The following DNAH8 variants were observed in gnomAD, a reference collection of about 807,000 sequenced individuals.
DNAH8 encodes the protein axonemal beta dynein heavy chain 8.
In DNAH8, 382 loss-of-function variants were observed where a neutral mutation model predicts 562.1. That is an observed-to-expected ratio of 0.68 (90% CI 0.63 to 0.74). The LOEUF is 0.74. Among genes scored for constraint, DNAH8 ranks in the 30% least tolerant of loss-of-function variants. DNAH8 has a pLI of 0.00. For synonymous variants in DNAH8, 1,881 were observed against 1,919.4 expected, an observed-to-expected ratio of 0.98 and a Z score of 0.52; for missense variants, 5,203 against 5,620.4, an observed-to-expected ratio of 0.93 and a Z score of 2.37.
At chr6:38,775,406 G>A (rs1767966088) in intron 12 of DNAH8, among the ~76,000 whole-genome samples, 1 of 152,180 alleles carries the variant, frequency 6.6e-6, no homozygotes, top group African/African-American at 2.4e-5. Flanking sequence ...GAGCTTTTGA[G>A]TCCAGTAATC....
At chr6:38,860,200 G>T (rs1313105782) in intron 42 of DNAH8, among the ~76,000 whole-genome samples, 1 of 152,074 alleles carries the variant, frequency 6.6e-6, no homozygotes, top group African/African-American at 2.4e-5. Flanking sequence ...CTGAATTTCG[G>T]TGGTGGTGCC....
rs1318333589 is a variant in DNAH8, at chr6:38,734,329, C to G, written c.611-145C>G. 24 of 709,568 alleles carry G rather than the reference C, an allele frequency of 3.4e-5. 2 individuals carry two copies. The highest frequency in any genetic ancestry group is 4.2e-5 in the Non-Finnish European group (21 of 501,676). 44.0% of individuals were successfully genotyped at this position (709,568 alleles called of 1,614,324 possible). A position where few individuals can be genotyped will look rare whatever the true frequency, so the allele number is the denominator to read the frequency against. Reference sequence around the variant, plus strand: ...AATTATTGGCATCTTCTAGTAGACCCCCCCCCAAAAAAATTATTCTATGAC... The same window carrying G: ...AATTATTGGCATCTTCTAGTAGACCGCCCCCCAAAAAAATTATTCTATGAC... On this transcript the variant is annotated intron_variant, in intron 4 of 92. Transcript: ENST00000327475.
At chr6:38,760,832 C>T (rs1441554780) in intron 10 of DNAH8, among the ~76,000 whole-genome samples, 2 of 152,122 alleles carry the variant, frequency 1.3e-5, no homozygotes, top group African/African-American at 2.4e-5. Flanking sequence ...TTCCTGGGGT[C>T]GTCATCAGAA....
rs1361007565 is a variant in DNAH8, at chr6:38,842,688, A to C, written c.4630A>C (p.Lys1544Gln). 2 of 1,613,236 alleles carry C rather than the reference A, an allele frequency of 1.2e-6. No homozygotes were observed. Among genetic ancestry groups the C allele is most frequent in the African/African-American group, 2.7e-5 (2 of 74,914 alleles). The change falls in exon 35 of 93, where the codon AAA becomes CAA. Residue 1544 changes from lysine to glutamine, a missense_variant. Coordinates refer to ENST00000327475, the MANE Select transcript of DNAH8 (RefSeq NM_001206927.2). Reference sequence around the variant, plus strand: ...ATGTCGTAAACTTCCAAAAGGACTTAAAGATTGGCAAGCTTTTTTGGATCT... The same window carrying C: ...ATGTCGTAAACTTCCAAAAGGACTTCAAGATTGGCAAGCTTTTTTGGATCT... ...NRCRKLPKGLKDWQAFLDLKK... is the reference protein window; with the variant it reads ...NRCRKLPKGLQDWQAFLDLKK...
intron 29 of DNAH8, among the ~76,000 whole-genome samples, chr6:38,827,927 G>A (rs1221547231): frequency 6.6e-6 from 1 of 151,572 alleles, no homozygotes; most frequent in African/African-American, 2.4e-5. Flanking sequence ...GGGTCAAGGA[G>A]GAAAAAGAGA....
chr6:38,715,938 ATATATATATATATATATATATATTT>A (rs1289848795), intron 1 of DNAH8, among the ~76,000 whole-genome samples: 1 of 21,462 alleles, frequency 4.7e-5, no homozygotes, highest in Non-Finnish European at 8.0e-5. Context: ...ATATATATAT[ATATATATATATATATATATATATTT>A]TTTTTTTTTT....
intron 26 of DNAH8, 135 bp from the exon 27 acceptor site, chr6:38,822,703 C>A (rs1331200886): frequency 3.0e-6 from 2 of 655,902 alleles, no homozygotes; most frequent in African/African-American, 1.8e-5. Context: ...CTTAATTACT[C>A]AAAATAGCTC....
intron 82 of DNAH8, chr6:38,953,170 T>C (rs530461835): frequency 6.6e-6 from 1 of 152,306 alleles, no homozygotes; most frequent in East Asian, 1.9e-4. Context: ...CAAGTTCCAA[T>C]ATCCAGGGAA....
chr6:38,733,784 G>A (rs980722363), intron 4 of DNAH8, among the ~76,000 whole-genome samples: 28 of 151,892 alleles, frequency 1.8e-4, no homozygotes, highest in African/African-American at 6.5e-4. Flanking sequence ...GATGGCGCGT[G>A]CTTGTAATCC....
rs1761352439 is a variant in DNAH8, at chr6:38,945,726, C to T, written c.12129+138C>T. ...ATAGTTTGGATTTGAGGCTCTGTGG[C>T]TGTCTGGGAGAGATCTTGGACAGAT... On this transcript the variant is annotated intron_variant, in intron 80 of 92. Transcript: ENST00000327475. The T allele has an allele frequency of 3.5e-6, 4 of 1,144,596 alleles. No homozygotes were observed. The Admixed American group carries it at 8.1e-5, about 23-fold the overall frequency. The allele number at this position is 1,144,596 out of a possible 1,614,324, so 70.9% of individuals were successfully genotyped here.
chr6:38,867,859 C>T lies in DNAH8; in HGVS notation c.6694-203C>T, dbSNP rs576082447. ...TTTAAGGTGTGAATACTTACTTGAT[C>T]TTGCAGCTTGGATTTTCCCATGGAA... is the stretch of plus-strand genomic sequence containing the variant. On this transcript the variant is annotated intron_variant, in intron 47 of 92. Coordinates refer to ENST00000327475, the MANE Select transcript of DNAH8 (RefSeq NM_001206927.2). Among the ~76,000 whole-genome samples, 13 of 151,800 alleles carry T rather than the reference C, an allele frequency of 8.6e-5. No individual in the cohort carries two copies. The East Asian group carries it at 1.9e-3, about 23-fold the overall frequency.
intron 26 of DNAH8, among the ~76,000 whole-genome samples, chr6:38,818,251 A>G (rs72851568): frequency 0.12 from 18,650 of 152,018 alleles, 1,405 homozygotes; most frequent in Admixed American, 0.21. Context: ...GTTTAGTCCA[A>G]TGTTTGCCAT....
chr6:38,762,953 C>T (rs984766897), intron 11 of DNAH8: 22 of 319,764 alleles, frequency 6.9e-5, no homozygotes, highest in Non-Finnish European at 1.3e-4. Flanking sequence ...AACAGTTGAT[C>T]CCAAGGACTG....
intron 62 of DNAH8, among the ~76,000 whole-genome samples, chr6:38,905,974 C>T (rs1339687646): frequency 1.3e-5 from 2 of 152,092 alleles, no homozygotes; most frequent in East Asian, 3.9e-4. Context: ...GGCATGATCT[C>T]GGCTCACTGC....
chr6:38,725,599 G>A (rs970718427), intron 3 of DNAH8, among the ~76,000 whole-genome samples: 1 of 152,166 alleles, frequency 6.6e-6, no homozygotes, highest in South Asian at 2.1e-4. Context: ...AACAAGAGGT[G>A]TCACAGCAAG....
chr6:38,888,108 G>A (rs1779087642), intron 57 of DNAH8, among the ~76,000 whole-genome samples: 1 of 149,720 alleles, frequency 6.7e-6, no homozygotes, highest in African/African-American at 2.5e-5. Context: ...CAAAGTGCTG[G>A]GATTACAGGC....
chr6:39,020,267 G>A (rs888805795), intron 91 of DNAH8, among the ~76,000 whole-genome samples: 1 of 152,128 alleles, frequency 6.6e-6, no homozygotes, highest in African/African-American at 2.4e-5. Context: ...GCTTGTACTA[G>A]TGACAGTCTT....
chr6:38,739,952 C>T (rs1034750838), intron 7 of DNAH8, among the ~76,000 whole-genome samples: 4 of 152,066 alleles, frequency 2.6e-5, no homozygotes, highest in South Asian at 4.1e-4. Flanking sequence ...CCAATTGTCT[C>T]GATTTAAGAT....
chr6:38,875,761 GT>G lies in DNAH8; in HGVS notation c.7793del (p.Leu2598TrpfsTer61), dbSNP rs749731714. 1.2e-5 allele frequency: 19 copies of G among 1,613,882 alleles called. No homozygotes were observed. The highest frequency in any genetic ancestry group is 1.7e-5 in the Admixed American group (1 of 59,990). ...CCTTCTTACGGCAGCATGAAAGCAA[GT>G]TGGACTTACCAGAAATACCTAAAGG... ...EAFLRQHESKLDLPEIPKGSN... is the reference protein window; with the variant it reads ...EAFLRQHESKXDLPEIPKGSN... On this transcript the variant is annotated frameshift_variant, in exon 53 of 93. Coordinates refer to ENST00000327475, the MANE Select transcript of DNAH8 (RefSeq NM_001206927.2). LOFTEE classifies it high-confidence loss of function.
Sources: gnomAD v4.1 joint callset for allele counts (sites outside exome capture counted in the v4.1 genomes callset) on GRCh38, gnomAD v4.1.1 for gene constraint, MANE v1.5 for transcripts, NCBI Gene and HGNC (gene_info 2026-07-23, HGNC 2026-07-21) for gene names.